Variants in PCDHGB5 observed in about 807,000 individuals in gnomAD.
PCDHGB5 encodes protocadherin gamma-B5.
Under a neutral mutation model 62.9 loss-of-function variants are expected in PCDHGB5, and 48 were observed. The ratio of observed to expected loss-of-function variants is 0.76; its 90% confidence interval spans 0.61 to 0.97. PCDHGB5 has a LOEUF of 0.97. Among genes scored for constraint, PCDHGB5 ranks in the 50% least tolerant of loss-of-function variants. The pLI is 0.00. For missense variants in PCDHGB5, 1,118 were observed against 1,198.6 expected, an observed-to-expected ratio of 0.93 and a Z score of 0.99; for synonymous variants, 474 against 511.2, an observed-to-expected ratio of 0.93 and a Z score of 0.98.
intron 1 of PCDHGB5, among the ~76,000 whole-genome samples, chr5:141,405,825 A>G (rs184785482): frequency 1.1e-3 from 172 of 152,272 alleles, no homozygotes; most frequent in Non-Finnish European, 1.9e-3. Context: ...TCTGTACTTA[A>G]GGTAGTATAA....
Position 141,485,267 on chromosome 5 carries a change from C to T in PCDHGB5, c.2398-9540C>T, listed in dbSNP as rs767229426. On this transcript the variant is annotated intron_variant, in intron 1 of 3. Transcript: ENST00000617380. This position sits in a 1 kb window ranked among gnomAD's most constrained non-coding sequence, Gnocchi z 5.7. ...CCTGGGTTACGTTTGTGGGCAGATC[C>T]GCTACCCGGTCCCAGAGGAGTCACA... is the stretch of plus-strand genomic sequence containing the variant. 6.2e-7 allele frequency: 1 copy of T among 1,614,088 alleles called. No homozygotes were observed. Among genetic ancestry groups the T allele is most frequent in the South Asian group, 1.1e-5 (1 of 91,082 alleles).
intron 1 of PCDHGB5, 110 bp from the exon 2 acceptor site, chr5:141,494,697 T>C: frequency 6.3e-7 from 1 of 1,590,934 alleles, no homozygotes; most frequent in Non-Finnish European, 8.6e-7. Flanking sequence ...TAGTCCGTTT[T>C]CTTCTCTGTG....
chr5:141,444,947 C>G (rs2098452252), intron 1 of PCDHGB5, among the ~76,000 whole-genome samples: 1 of 152,054 alleles, frequency 6.6e-6, no homozygotes, highest in Non-Finnish European at 1.5e-5. Context: ...GGAGGAGGAT[C>G]ATCTTAACAA....
At chr5:141,478,940 T>C in intron 1 of PCDHGB5, 2 of 584,636 alleles carry the variant, frequency 3.4e-6, no homozygotes, top group South Asian at 2.7e-5. Flanking sequence ...CTTCTAGGAA[T>C]ACAAAAACTA....
intron 1 of PCDHGB5, among the ~76,000 whole-genome samples, chr5:141,483,015 G>A (rs916071219): frequency 2.0e-5 from 3 of 152,044 alleles, no homozygotes; most frequent in African/African-American, 7.2e-5. Context: ...AACCCGGGAG[G>A]CAGAGGTTGC....
intron 1 of PCDHGB5, among the ~76,000 whole-genome samples, chr5:141,439,076 C>G (rs1358035789): frequency 6.6e-6 from 1 of 151,590 alleles, no homozygotes; most frequent in East Asian, 2.0e-4. Context: ...GCCTGTAATC[C>G]CAGCTACTCA....
At chr5:141,408,885 T>C (rs1263835706) in intron 1 of PCDHGB5, 3 of 1,612,902 alleles carry the variant, frequency 1.9e-6, no homozygotes, top group East Asian at 2.2e-5. Flanking sequence ...ACCGCTCACA[T>C]AGAAATTTCT....
chr5:141,469,499 C>T lies in PCDHGB5; in HGVS notation c.2398-25308C>T, dbSNP rs1023274165. Among the ~76,000 whole-genome samples, 22 of 152,128 alleles carry T rather than the reference C, an allele frequency of 1.4e-4. 1 individual carries two copies. The highest frequency in any genetic ancestry group is 3.9e-4 in the African/African-American group (16 of 41,510). On this transcript the variant is annotated intron_variant, in intron 1 of 3. Coordinates refer to ENST00000617380, the MANE Select transcript of PCDHGB5 (RefSeq NM_018925.3). ...CTGAGGCAGGAGAATCGCTTGAACC[C>T]GGGAGGTGGAGGTTGCAGTGAGCCA...
Position 141,491,067 on chromosome 5 carries a change from G to A in PCDHGB5, c.2398-3740G>A, listed in dbSNP as rs752758445. On this transcript the variant is annotated intron_variant, in intron 1 of 3. Coordinates refer to ENST00000617380, the MANE Select transcript of PCDHGB5 (RefSeq NM_018925.3). This position sits in a 1 kb window ranked among gnomAD's most constrained non-coding sequence, Gnocchi z 6.9. ...ACAATGCGTGGCTCTCCTACTCACT[G>A]TTGCCACAGTCCACAGCCCCAGGAC... is the stretch of plus-strand genomic sequence containing the variant. 6.2e-7 allele frequency: 1 copy of A among 1,614,200 alleles called. No individual in the cohort carries two copies. Among genetic ancestry groups the A allele is most frequent in the East Asian group, 2.2e-5 (1 of 44,892 alleles).
At chr5:141,415,574 A>G (rs1168111069) in intron 1 of PCDHGB5, 3 of 1,614,066 alleles carry the variant, frequency 1.9e-6, no homozygotes, top group Non-Finnish European at 8.5e-7. Flanking sequence ...TTGTTAGATG[A>G]TTCGAAGTTT....
Position 141,403,685 on chromosome 5 carries a change from C to G in PCDHGB5, c.2397+3161C>G, listed in dbSNP as rs778849334. On this transcript the variant is annotated intron_variant, in intron 1 of 3. Coordinates refer to ENST00000617380, the MANE Select transcript of PCDHGB5 (RefSeq NM_018925.3). ...TGATAATGCCCCGGTTTTTGCTCAA[C>G]GGATTTACCGAGTTAAAGTCCTTGA... 8 of 1,613,704 alleles carry G rather than the reference C, an allele frequency of 5.0e-6. No homozygotes were observed. In the Admixed American group the frequency reaches 1.0e-4, roughly 20 times the overall value.
At position 141,397,974 on chromosome 5, in the gene PCDHGB5, C is replaced by A. The variant is rs1248429844; in HGVS notation, c.-154C>A. On this transcript the variant is annotated 5_prime_UTR_variant, in exon 1 of 4. Coordinates refer to ENST00000617380, the MANE Select transcript of PCDHGB5 (RefSeq NM_018925.3). ...AGCCCCAGCTCAGACTCCCCAGCGC[C>A]GGCCTTTACACCGCTTCCTCCTCGG... 3 of 1,174,340 alleles carry A rather than the reference C, an allele frequency of 2.6e-6. No homozygotes were observed. The highest frequency in any genetic ancestry group is 1.6e-5 in the African/African-American group (1 of 64,506). The allele number at this position is 1,174,340 out of a possible 1,614,324, so 72.7% of individuals were successfully genotyped here.
At chr5:141,482,530 C>CTAAAAA in intron 1 of PCDHGB5, among the ~76,000 whole-genome samples, 1 of 76,560 alleles carries the variant, frequency 1.3e-5, no homozygotes, top group African/African-American at 4.8e-5. Context: ...GACAGACATG[C>CTAAAAA]AAAAAAAAAA....
chr5:141,488,450 C>T (rs2154581002), intron 1 of PCDHGB5, among the ~76,000 whole-genome samples: 1 of 152,314 alleles, frequency 6.6e-6, no homozygotes, highest in East Asian at 1.9e-4. Context: ...TCCTGGGTGA[C>T]CTGATTCAGC....
chr5:141,485,827 G>A lies in PCDHGB5; in HGVS notation c.2398-8980G>A. 1 of 1,614,154 alleles carries A rather than the reference G, an allele frequency of 6.2e-7. No individual in the cohort carries two copies. The highest frequency in any genetic ancestry group is 1.1e-5 in the South Asian group (1 of 91,080). On this transcript the variant is annotated intron_variant, in intron 1 of 3. Coordinates refer to ENST00000617380, the MANE Select transcript of PCDHGB5 (RefSeq NM_018925.3). The surrounding 1 kb of genome is among the most constrained non-coding windows in gnomAD (Gnocchi z 5.7). Reference sequence around the variant, plus strand: ...TGGTGCTGACTGCTGTCGATGGAGGGAACCCGCCGAGATCTGGCACCGCAG... The same window carrying A: ...TGGTGCTGACTGCTGTCGATGGAGGAAACCCGCCGAGATCTGGCACCGCAG...
intron 1 of PCDHGB5, chr5:141,412,841 G>A (rs1285924844): frequency 4.9e-6 from 1 of 206,050 alleles, no homozygotes; most frequent in Non-Finnish European, 9.6e-6. Flanking sequence ...AAAGATAGGA[G>A]TGGAGAAACC....
intron 1 of PCDHGB5, among the ~76,000 whole-genome samples, chr5:141,484,821 G>A (rs1367529999): frequency 6.6e-6 from 1 of 152,122 alleles, no homozygotes; most frequent in Admixed American, 6.5e-5. Context: ...CGTTGAGCGG[G>A]AGGAAGGCGA....
At chr5:141,418,458 TG>T in intron 1 of PCDHGB5, 1 of 1,614,010 alleles carries the variant, frequency 6.2e-7, no homozygotes, top group Non-Finnish European at 8.5e-7. Flanking sequence ...CAGAAGACTC[TG>T]GACCGAGAAA....
At position 141,430,258 on chromosome 5, in the gene PCDHGB5, A is replaced by G. The variant is rs542653323; in HGVS notation, c.2397+29734A>G. On this transcript the variant is annotated intron_variant, in intron 1 of 3. Coordinates refer to ENST00000617380, the MANE Select transcript of PCDHGB5 (RefSeq NM_018925.3). ...GAGAAACTCCTAGGGAGACATCTCC[A>G]TAATAGGTGTGTTGGGGGAACAGTA... is the stretch of plus-strand genomic sequence containing the variant. Among the ~76,000 whole-genome samples the G allele has an allele frequency of 5.4e-5, 8 of 148,074 alleles. No homozygotes were observed. In the South Asian group the frequency reaches 8.5e-4, roughly 16 times the overall value.
Sources: allele counts gnomAD v4.1 joint callset (sites outside exome capture counted in the v4.1 genomes callset), GRCh38; gene constraint gnomAD v4.1.1; non-coding constraint Gnocchi (gnomAD v3.1); transcripts MANE v1.5; gene names NCBI Gene and HGNC (gene_info 2026-07-23, HGNC 2026-07-21).